ARSJ: variants seen among roughly 807,000 people sequenced by gnomAD.
ARSJ encodes the protein arylsulfatase J.
A neutral mutation model predicts 35.9 loss-of-function variants in ARSJ; 26 were observed. The observed-to-expected ratio is 0.72, with a 90% CI of 0.53 to 1.00. The LOEUF (loss-of-function observed/expected upper bound fraction) is 1.00. Ranked by LOEUF, ARSJ falls within the 50% of genes least tolerant of loss-of-function variation. The pLI, the probability that ARSJ is intolerant of heterozygous loss-of-function variation, is 0.00. For missense variants in ARSJ, 667 were observed against 723.6 expected, an observed-to-expected ratio of 0.92 and a Z score of 0.90; for synonymous variants, 294 against 267.6, an observed-to-expected ratio of 1.10 and a Z score of -0.96.
intron 1 of ARSJ, among the ~76,000 whole-genome samples, chr4:113,915,739 C>T (rs1008123327): frequency 6.6e-6 from 1 of 152,202 alleles, no homozygotes; most frequent in African/African-American, 2.4e-5. Flanking sequence ...ATCAGAACAT[C>T]TGTATCACAG....
At chr4:113,956,653 T>C (rs1726197868) in intron 1 of ARSJ, among the ~76,000 whole-genome samples, 2 of 152,038 alleles carry the variant, frequency 1.3e-5, no homozygotes, top group African/African-American at 4.8e-5. Flanking sequence ...GAAGGATAAA[T>C]TGTATCTTCA....
chr4:113,966,042 A>G (rs1726873866), intron 1 of ARSJ, among the ~76,000 whole-genome samples: 1 of 151,958 alleles, frequency 6.6e-6, no homozygotes, highest in South Asian at 2.1e-4. Context: ...ATTGAAGATT[A>G]GGGACAATGT....
At position 113,921,561 on chromosome 4, in the gene ARSJ, G is replaced by A. The variant is rs190417186; in HGVS notation, c.399-17886C>T. Among the ~76,000 whole-genome samples the A allele has an allele frequency of 7.9e-5, 12 of 152,208 alleles. No homozygotes were observed. The East Asian group carries it at 1.4e-3, about 17-fold the overall frequency. ...GGCTCTGGGCTCTAGATCTCACAAA[G>A]CCAGTTAGATTCAGTGGCTTGTTAT... is the stretch of plus-strand genomic sequence containing the variant. On this transcript the variant is annotated intron_variant, in intron 1 of 1. Transcript: ENST00000315366.
At chr4:113,963,417 T>G (rs1421451260) in intron 1 of ARSJ, among the ~76,000 whole-genome samples, 1 of 151,970 alleles carries the variant, frequency 6.6e-6, no homozygotes, top group Non-Finnish European at 1.5e-5. Context: ...CTTCACATGA[T>G]GGCAGGAAGG....
At chr4:113,943,402 C>T (rs567843668) in intron 1 of ARSJ, 1 of 151,962 alleles carries the variant, frequency 6.6e-6, no homozygotes, top group African/African-American at 2.4e-5. Context: ...TTTGGATTCC[C>T]CAACTGAGCA....
At chr4:113,974,769 C>T (rs1263754498) in intron 1 of ARSJ, among the ~76,000 whole-genome samples, 3 of 152,090 alleles carry the variant, frequency 2.0e-5, no homozygotes, top group Admixed American at 2.0e-4. Flanking sequence ...GCAGTATCTA[C>T]CAAAACTGAA....
intron 1 of ARSJ, among the ~76,000 whole-genome samples, chr4:113,970,188 A>C (rs1454954100): frequency 6.6e-6 from 1 of 152,332 alleles, no homozygotes; most frequent in African/African-American, 2.4e-5. Context: ...GAAACTGTGA[A>C]TCATCCATTT....
At chr4:113,953,850 A>C (rs1407120479) in intron 1 of ARSJ, among the ~76,000 whole-genome samples, 1 of 152,056 alleles carries the variant, frequency 6.6e-6, no homozygotes, top group Admixed American at 6.6e-5. Context: ...AGTTCAAAAA[A>C]TGATTCACAA....
chr4:113,924,455 C>T (rs1179739081), intron 1 of ARSJ, among the ~76,000 whole-genome samples: 28 of 152,076 alleles, frequency 1.8e-4, no homozygotes. Flanking sequence ...AGGATCAATA[C>T]TTTGTATCCT....
intron 1 of ARSJ, among the ~76,000 whole-genome samples, chr4:113,968,534 T>C (rs932894147): frequency 6.6e-6 from 1 of 152,056 alleles, no homozygotes; most frequent in Non-Finnish European, 1.5e-5. Context: ...AATGATGTCT[T>C]CCCAGAGATG....
chr4:113,932,287 C>G (rs368746499), intron 1 of ARSJ, among the ~76,000 whole-genome samples: 1 of 152,098 alleles, frequency 6.6e-6, no homozygotes, highest in African/African-American at 2.4e-5. Flanking sequence ...CAACACCCCA[C>G]TCTCAGTAAT....
intron 1 of ARSJ, among the ~76,000 whole-genome samples, chr4:113,938,325 G>A (rs1238224133): frequency 6.6e-6 from 1 of 152,062 alleles, no homozygotes; most frequent in East Asian, 1.9e-4. Context: ...TGGGAGAACT[G>A]GCTAGGCCAT....
At chr4:113,930,524 A>G (rs1724368122) in intron 1 of ARSJ, among the ~76,000 whole-genome samples, 1 of 152,116 alleles carries the variant, frequency 6.6e-6, no homozygotes, top group Admixed American at 6.6e-5. Context: ...GACACCCCAT[A>G]TTAACCATCA....
chr4:113,944,776 C>G (rs953302272), intron 1 of ARSJ, among the ~76,000 whole-genome samples: 4 of 152,032 alleles, frequency 2.6e-5, no homozygotes, highest in African/African-American at 9.7e-5. Context: ...AGTAGAGGTA[C>G]AACTGATTTC....
rs564412073 is a variant in ARSJ, at chr4:113,902,668, G to A, written c.1406C>T (p.Pro469Leu). 27 of 1,614,162 alleles carry A rather than the reference G, an allele frequency of 1.7e-5. No individual in the cohort carries two copies. In the East Asian group the frequency reaches 5.1e-4, roughly 31 times the overall value. ...GNPGYSDWVP[P>L]QSFSNLGPNR... ...CGGTCCCAGGTTGCTGAAAGACTGA[G>A]GGGGGACCCAGTCGCTGTAGCCAGG... The change falls in exon 2 of 2, where the codon CCT becomes CTT. Residue 469 changes from proline (P) to leucine (L), a missense_variant. By Grantham distance (98) the Pro-to-Leu change is moderately conservative (BLOSUM62 -3). Coordinates refer to ENST00000315366, the MANE Select transcript of ARSJ (RefSeq NM_024590.4).
chr4:113,963,141 G>C (rs1726664802), intron 1 of ARSJ, among the ~76,000 whole-genome samples: 1 of 151,848 alleles, frequency 6.6e-6, no homozygotes, highest in South Asian at 2.1e-4. Flanking sequence ...CTTTCTTAGA[G>C]CATGTCACCC....
rs1388705071 is a variant in ARSJ at position 113,978,559 on chromosome 4, A to C, written c.276T>G (p.Gly92=). The part of the protein sequence containing the change: ...LADDQGFRDV[G]YHGSEIKTPT... ...GTGTTTTAATCTCAGATCCGTGGTA[A>C]CCCACATCTCTAAATCCCTGATCAT... The change falls in exon 1 of 2, where the codon GGT becomes GGG. Residue 92 remains glycine (G), a synonymous_variant. Transcript: ENST00000315366. 1 of 1,614,214 alleles carries C rather than the reference A, an allele frequency of 6.2e-7. No homozygotes were observed. Among genetic ancestry groups the C allele is most frequent in the Non-Finnish European group, 8.5e-7 (1 of 1,180,032 alleles).
In ARSJ at chr4:113,978,650, G is replaced by C; in HGVS notation, c.185C>G (p.Ala62Gly). 6.2e-7 allele frequency: 1 copy of C among 1,614,192 alleles called. No homozygotes were observed. The highest frequency in any genetic ancestry group is 1.3e-5 in the African/African-American group (1 of 75,064). ...TGTGCTGGGCTCTAGTTTCTCTCCA[G>C]CTTGAGCTAGTAAGGCCCCTTCTTC... ...EEEEGALLAQ[A>G]GEKLEPSTTS... Residue 62 changes from alanine to glycine, a missense_variant, in exon 1 of 2, where the codon GCT becomes GGT. By Grantham distance (60) the Ala-to-Gly change is moderately conservative (BLOSUM62 0). Transcript: ENST00000315366.
chr4:113,902,198 A>T lies in ARSJ; in HGVS notation c.*76T>A, dbSNP rs1194311693. On this transcript the variant is annotated 3_prime_UTR_variant, in exon 2 of 2. Coordinates refer to ENST00000315366, the MANE Select transcript of ARSJ (RefSeq NM_024590.4). ...TTAGGCCAGCGATATTATCGAGCCA[A>T]ATTTGCTGGTTTACCTAGGAAACAG... 3 of 1,599,624 alleles carry T rather than the reference A, an allele frequency of 1.9e-6. No homozygotes were observed. Among genetic ancestry groups the T allele is most frequent in the Non-Finnish European group, 2.5e-6 (3 of 1,179,922 alleles).
Sources: gnomAD v4.1 joint callset for allele counts (sites outside exome capture counted in the v4.1 genomes callset) on GRCh38, gnomAD v4.1.1 for gene constraint, MANE v1.5 for transcripts, NCBI Gene and HGNC (gene_info 2026-07-23, HGNC 2026-07-21) for gene names.